SUCLG2: variants seen among roughly 807,000 people sequenced by gnomAD.
SUCLG2 encodes the protein succinate-CoA ligase GDP-forming subunit beta.
Under a neutral mutation model 47.9 loss-of-function variants are expected in SUCLG2, and 42 were observed. The observed-to-expected ratio is 0.88, with a 90% CI of 0.69 to 1.14. The LOEUF (loss-of-function observed/expected upper bound fraction) is 1.14. SUCLG2 is among the 50% of genes most tolerant of loss of function. The probability of loss-of-function intolerance (pLI) is 0.00; values close to 1 mark genes in which losing one functional copy is unlikely to be tolerated. For synonymous variants in SUCLG2, 195 were observed against 197.3 expected (o/e 0.99, Z 0.10); for missense variants, 571 against 525.9 (o/e 1.09, Z -0.84).
Position 67,454,197 on chromosome 3 carries a change from T to C in SUCLG2, c.1062+41601A>G, listed in dbSNP as rs1282446949. ...GAAACATTCTAAATCATGAGCTCTTTAAGTACAGGGACGAGGGACGACATC... is the reference window on the plus strand; with the variant it reads ...GAAACATTCTAAATCATGAGCTCTTCAAGTACAGGGACGAGGGACGACATC... On this transcript the variant is annotated intron_variant, in intron 9 of 10. Coordinates refer to ENST00000307227, the MANE Select transcript of SUCLG2 (RefSeq NM_003848.4). 7.2e-5 allele frequency among the ~76,000 whole-genome samples: 11 copies of C among 152,316 alleles called. No individual in the cohort carries two copies. The East Asian group carries it at 1.9e-3, about 27-fold the overall frequency.
chr3:67,602,763 T>G (rs769607471), intron 2 of SUCLG2, among the ~76,000 whole-genome samples: 19 of 152,158 alleles, frequency 1.2e-4, no homozygotes, highest in Non-Finnish European at 2.4e-4. Context: ...TGAATAACAA[T>G]ATTTATTCGT....
At chr3:67,386,436 C>G (rs35256087) in intron 10 of SUCLG2, among the ~76,000 whole-genome samples, 15,308 of 152,102 alleles carry the variant, frequency 0.1, 937 homozygotes, top group South Asian at 0.17. Context: ...CCCACTGAGT[C>G]AACATCTACT....
intron 2 of SUCLG2, among the ~76,000 whole-genome samples, chr3:67,577,082 C>T (rs142861113): frequency 6.6e-6 from 1 of 152,094 alleles, no homozygotes; most frequent in African/African-American, 2.4e-5. Flanking sequence ...CACCTGTAAT[C>T]CCAGCATTTT....
chr3:67,626,043 T>C (rs1700823228), intron 1 of SUCLG2, among the ~76,000 whole-genome samples: 1 of 150,870 alleles, frequency 6.6e-6, no homozygotes, highest in African/African-American at 2.4e-5. Flanking sequence ...TTTTTTGAGA[T>C]GAGTCTCGCT....
intron 7 of SUCLG2, among the ~76,000 whole-genome samples, chr3:67,501,803 G>A (rs1048609021): frequency 1.3e-5 from 2 of 152,140 alleles, no homozygotes; most frequent in Non-Finnish European, 2.9e-5. Context: ...TGGCTCACCT[G>A]TGGAGTACAG....
At position 67,389,444 on chromosome 3, in the gene SUCLG2, G is replaced by A. The variant is rs562814786; in HGVS notation, c.1183+11287C>T. On this transcript the variant is annotated intron_variant, in intron 10 of 10. Transcript: ENST00000307227. ...CCCTTCATAAACCACATGCAGAACT[G>A]TGGTTTTCAAAGATAGCTCAGTGAA... Among the ~76,000 whole-genome samples, 6 of 152,302 alleles carry A rather than the reference G, an allele frequency of 3.9e-5. No individual in the cohort carries two copies. The East Asian group carries it at 1.2e-3, about 29-fold the overall frequency.
chr3:67,501,115 G>A lies in SUCLG2; in HGVS notation c.758-2820C>T, dbSNP rs117065857. Among the ~76,000 whole-genome samples, 720 of 152,238 alleles carry A rather than the reference G, an allele frequency of 4.7e-3. 9 individuals carry two copies. In the East Asian group the frequency reaches 0.058, roughly 12 times the overall value. ...TGTATATCTACAACGGTCCTGTGCC[G>A]ACTGTTAATTTGTAGAGAAAACTAA... On this transcript the variant is annotated intron_variant, in intron 7 of 10. Coordinates refer to ENST00000307227, the MANE Select transcript of SUCLG2 (RefSeq NM_003848.4).
intron 9 of SUCLG2, among the ~76,000 whole-genome samples, chr3:67,454,059 C>G (rs1413523384): frequency 6.6e-6 from 1 of 152,116 alleles, no homozygotes; most frequent in African/African-American, 2.4e-5. Context: ...TGATGACAGC[C>G]TTATATCAAT....
At chr3:67,578,476 A>G (rs1044354244) in intron 2 of SUCLG2, among the ~76,000 whole-genome samples, 4 of 152,094 alleles carry the variant, frequency 2.6e-5, no homozygotes, top group Non-Finnish European at 4.4e-5. Flanking sequence ...CTAGAAAGCA[A>G]AAGCATGTGA....
intron 10 of SUCLG2, among the ~76,000 whole-genome samples, chr3:67,363,606 A>G (rs1379478654): frequency 2.0e-5 from 3 of 152,222 alleles, no homozygotes. Context: ...CAATGAAAGA[A>G]AGCATACCAA....
intron 10 of SUCLG2, among the ~76,000 whole-genome samples, chr3:67,365,920 C>A (rs527487128): frequency 2.0e-5 from 3 of 152,216 alleles, no homozygotes; most frequent in East Asian, 1.9e-4. Context: ...ATGAATCAAT[C>A]CCCTTAAAGG....
intron 2 of SUCLG2, among the ~76,000 whole-genome samples, chr3:67,589,997 T>C (rs935959066): frequency 1.3e-5 from 2 of 152,190 alleles, no homozygotes; most frequent in Admixed American, 6.5e-5. Context: ...GATTTATATA[T>C]GCATTTATGA....
chr3:67,366,235 G>A (rs970134216), intron 10 of SUCLG2, among the ~76,000 whole-genome samples: 4 of 152,156 alleles, frequency 2.6e-5, no homozygotes, highest in Non-Finnish European at 4.4e-5. Context: ...GCTGAGGCAG[G>A]CGGATCATGA....
intron 2 of SUCLG2, among the ~76,000 whole-genome samples, chr3:67,569,981 G>A (rs1413381828): frequency 3.9e-5 from 6 of 152,152 alleles, no homozygotes; most frequent in African/African-American, 1.2e-4. Flanking sequence ...ACCATATTTA[G>A]AGACAGGGTC....
At chr3:67,501,769 CA>C (rs1705500298) in intron 7 of SUCLG2, among the ~76,000 whole-genome samples, 1 of 152,050 alleles carries the variant, frequency 6.6e-6, no homozygotes, top group Admixed American at 6.6e-5. Flanking sequence ...TACAGGTTGC[CA>C]AACACAGGGA....
intron 2 of SUCLG2, among the ~76,000 whole-genome samples, chr3:67,579,514 G>C (rs1010301450): frequency 6.6e-6 from 1 of 152,080 alleles, no homozygotes; most frequent in South Asian, 2.1e-4. Flanking sequence ...ATAAAATCAG[G>C]GGTAAAATTC....
At chr3:67,446,535 T>C (rs370145223) in intron 9 of SUCLG2, among the ~76,000 whole-genome samples, 3 of 149,350 alleles carry the variant, frequency 2.0e-5, no homozygotes, top group East Asian at 4.0e-4. Flanking sequence ...GGTTCAGGGA[T>C]TCTCCTGCCT....
At chr3:67,370,561 C>T (rs1701939347), downstream of SUCLG2, among the ~76,000 whole-genome samples, 1 of 152,128 alleles carries the variant, frequency 6.6e-6, no homozygotes, top group African/African-American at 2.4e-5. Context: ...GCATCCAAGA[C>T]TCCCGAGTGA....
At chr3:67,437,118 C>A (rs1231730739) in intron 9 of SUCLG2, among the ~76,000 whole-genome samples, 1 of 151,656 alleles carries the variant, frequency 6.6e-6, no homozygotes, top group Non-Finnish European at 1.5e-5. Flanking sequence ...AAGTTTTATG[C>A]CAGGTGTGGT....
Sources: allele counts gnomAD v4.1 joint callset (sites outside exome capture counted in the v4.1 genomes callset), GRCh38; gene constraint gnomAD v4.1.1; transcripts MANE v1.5; gene names NCBI Gene and HGNC (gene_info 2026-07-23, HGNC 2026-07-21).